SUGCT: variants seen among roughly 807,000 people sequenced by gnomAD.
SUGCT encodes succinyl-CoA:glutarate CoA-transferase.
SUGCT carries 41 observed loss-of-function variants against 55.0 expected under a neutral mutation model. The ratio of observed to expected loss-of-function variants is 0.74; its 90% CI spans 0.58 to 0.97. SUGCT has a LOEUF of 0.97. Among genes scored for constraint, SUGCT ranks in the 50% least tolerant of loss-of-function variants. SUGCT has a pLI of 0.00. For missense variants in SUGCT, 568 were observed against 547.8 expected (o/e 1.04, Z -0.37); for synonymous variants, 187 against 200.4 (o/e 0.93, Z 0.56).
chr7:40,813,919 A>G (rs141029124), intron 13 of SUGCT, among the ~76,000 whole-genome samples: 1 of 152,296 alleles, frequency 6.6e-6, no homozygotes, highest in African/African-American at 2.4e-5. Flanking sequence ...TCTAGTGGTA[A>G]TGAATTCCTT....
intron 12 of SUGCT, among the ~76,000 whole-genome samples, chr7:40,543,575 T>G (rs1794820369): frequency 6.6e-6 from 1 of 152,212 alleles, no homozygotes; most frequent in Non-Finnish European, 1.5e-5. Context: ...ATTATGACTT[T>G]CAGATGGAAA....
At chr7:40,427,214 G>A (rs1356106582) in intron 9 of SUGCT, among the ~76,000 whole-genome samples, 1 of 152,140 alleles carries the variant, frequency 6.6e-6, no homozygotes, top group Non-Finnish European at 1.5e-5. Context: ...AGTTCCAAAT[G>A]TCTAGTTAAG....
chr7:40,947,478 G>T, the SUGCT span, among the ~76,000 whole-genome samples: 2,086 of 149,114 alleles, frequency 0.014, 23 homozygotes, highest in Non-Finnish European at 0.023. Flanking sequence ...CTTTTGTTTT[G>T]CATGTGGGCC....
At chr7:40,441,761 G>A (rs1788527211) in intron 9 of SUGCT, among the ~76,000 whole-genome samples, 1 of 152,126 alleles carries the variant, frequency 6.6e-6, no homozygotes, top group South Asian at 2.1e-4. Context: ...ATGGGAGTTT[G>A]GAAGTATGGG....
At chr7:40,480,820 A>C (rs1181170743) in intron 11 of SUGCT, among the ~76,000 whole-genome samples, 1 of 152,132 alleles carries the variant, frequency 6.6e-6, no homozygotes, top group African/African-American at 2.4e-5. Context: ...TTCAGACCAC[A>C]AAAGTGCCCG....
intron 12 of SUGCT, among the ~76,000 whole-genome samples, chr7:40,661,970 C>A (rs1364390466): frequency 6.6e-6 from 1 of 152,208 alleles, no homozygotes; most frequent in Non-Finnish European, 1.5e-5. Context: ...AAGGTCCAGA[C>A]CTTTAAATCT....
chr7:40,440,145 G>GTTTTTTTTTTTTT (rs138984553), intron 9 of SUGCT, among the ~76,000 whole-genome samples: 5 of 68,456 alleles, frequency 7.3e-5, no homozygotes, highest in African/African-American at 3.3e-4. Context: ...GTGTGTGTGT[G>GTTTTTTTTTTTTT]TTTTTTTTTT....
chr7:40,214,455 G>A (rs1361092639), intron 6 of SUGCT, among the ~76,000 whole-genome samples: 1 of 152,100 alleles, frequency 6.6e-6, no homozygotes, highest in Non-Finnish European at 1.5e-5. Context: ...GAGAACTGAG[G>A]CACAAAGAGG....
chr7:40,360,052 C>T (rs563449517), intron 9 of SUGCT, among the ~76,000 whole-genome samples: 17 of 152,244 alleles, frequency 1.1e-4, no homozygotes, highest in Non-Finnish European at 1.5e-4. Flanking sequence ...CTCACTCTGT[C>T]GCCCAGGCTG....
intron 12 of SUGCT, among the ~76,000 whole-genome samples, chr7:40,688,270 G>C (rs1005511046): frequency 1.3e-5 from 2 of 152,072 alleles, no homozygotes; most frequent in Non-Finnish European, 2.9e-5. Flanking sequence ...ACAGATTCCT[G>C]GATCAGCACA....
At chr7:40,746,139 G>A (rs918063499) in intron 12 of SUGCT, among the ~76,000 whole-genome samples, 1 of 152,152 alleles carries the variant, frequency 6.6e-6, no homozygotes, top group Non-Finnish European at 1.5e-5. Context: ...GGGAGTTGAA[G>A]TGTCAAACGT....
At chr7:40,147,233 C>G (rs1442437995) in intron 1 of SUGCT, among the ~76,000 whole-genome samples, 1 of 152,106 alleles carries the variant, frequency 6.6e-6, no homozygotes, top group African/African-American at 2.4e-5. Flanking sequence ...AAGGGGAGTT[C>G]TGAATATTTT....
chr7:40,496,665 A>G (rs1466764638), intron 12 of SUGCT, among the ~76,000 whole-genome samples: 1 of 152,182 alleles, frequency 6.6e-6, no homozygotes, highest in Non-Finnish European at 1.5e-5. Context: ...AAACAGAAAT[A>G]TACACAATTG....
At chr7:40,615,717 C>T (rs1798973324) in intron 12 of SUGCT, among the ~76,000 whole-genome samples, 1 of 152,142 alleles carries the variant, frequency 6.6e-6, no homozygotes, top group African/African-American at 2.4e-5. Context: ...TTAGCGAAAA[C>T]ACAAGGATCA....
chr7:40,826,018 TAAG>T (rs1385398137), intron 13 of SUGCT, among the ~76,000 whole-genome samples: 2 of 152,184 alleles, frequency 1.3e-5, no homozygotes, highest in Non-Finnish European at 2.9e-5. Context: ...GACAATATAT[TAAG>T]AAGGAGACTT....
intron 9 of SUGCT, among the ~76,000 whole-genome samples, chr7:40,335,106 G>A (rs556863670): frequency 5.3e-4 from 80 of 152,176 alleles, no homozygotes; most frequent in African/African-American, 1.9e-3. Flanking sequence ...TGTTCCATTG[G>A]TCTATATCTC....
At chr7:40,609,875 T>C (rs1004593661) in intron 12 of SUGCT, among the ~76,000 whole-genome samples, 14 of 152,196 alleles carry the variant, frequency 9.2e-5, no homozygotes, top group African/African-American at 3.4e-4. Context: ...TCAGAATGCA[T>C]TATAGGCCAT....
chr7:40,569,828 T>C (rs1796345650), intron 12 of SUGCT, among the ~76,000 whole-genome samples: 1 of 152,232 alleles, frequency 6.6e-6, no homozygotes, highest in East Asian at 1.9e-4. Flanking sequence ...TAAAAACCTT[T>C]TAATCATGTT....
chr7:40,407,581 C>T (rs868047650), intron 9 of SUGCT, among the ~76,000 whole-genome samples: 2 of 151,912 alleles, frequency 1.3e-5, no homozygotes, highest in Admixed American at 6.6e-5. Context: ...GAGTATTGTT[C>T]TGTTCAGTGT....
Sources: gnomAD v4.1 joint callset for allele counts (sites outside exome capture counted in the v4.1 genomes callset) on GRCh38, gnomAD v4.1.1 for gene constraint, MANE v1.5 for transcripts, NCBI Gene and HGNC (gene_info 2026-07-23, HGNC 2026-07-21) for gene names.